Variants in IFT74 observed in about 807,000 individuals in gnomAD.
IFT74 encodes intraflagellar transport protein 74 homolog.
A neutral mutation model predicts 96.7 loss-of-function variants in IFT74; 92 were observed. The observed-to-expected ratio is 0.95, with a 90% CI of 0.80 to 1.13. The LOEUF is 1.13. Among genes scored for constraint, IFT74 ranks in the 50% most tolerant of loss-of-function variants. The pLI is 0.00. For missense variants in IFT74, 811 were observed against 698.2 expected (o/e 1.16, Z -1.82); for synonymous variants, 223 against 213.2 (o/e 1.05, Z -0.40).
At chr9:27,012,840 C>T (rs1034486329) in intron 10 of IFT74, among the ~76,000 whole-genome samples, 4 of 150,738 alleles carry the variant, frequency 2.7e-5, no homozygotes, top group African/African-American at 9.8e-5. Flanking sequence ...CCTCAGCCTC[C>T]AGAGTAGCTG....
intron 8 of IFT74, among the ~76,000 whole-genome samples, chr9:26,998,857 G>A (rs953117531): frequency 6.6e-6 from 1 of 151,986 alleles, no homozygotes; most frequent in African/African-American, 2.4e-5. Flanking sequence ...AGCCGGGCAT[G>A]GTGGCAAGCA....
intron 13 of IFT74, among the ~76,000 whole-genome samples, chr9:27,042,937 A>G (rs1472369746): frequency 2.6e-5 from 4 of 152,212 alleles, no homozygotes; most frequent in African/African-American, 9.6e-5. Context: ...TGTCTGTAGT[A>G]TATTTTACAA....
intron 9 of IFT74, among the ~76,000 whole-genome samples, chr9:27,010,946 C>T (rs1392921387): frequency 6.6e-6 from 1 of 152,136 alleles, no homozygotes; most frequent in African/African-American, 2.4e-5. Flanking sequence ...CCATAAATGC[C>T]AATAATGATT....
At chr9:26,995,562 C>G in intron 8 of IFT74, 1 of 1,596,566 alleles carries the variant, frequency 6.3e-7, no homozygotes, top group Non-Finnish European at 8.6e-7. Context: ...ATATATTTGT[C>G]TTCAATAAAT....
chr9:27,058,453 T>A (rs1464881763), intron 18 of IFT74, among the ~76,000 whole-genome samples: 1 of 151,928 alleles, frequency 6.6e-6, no homozygotes, highest in African/African-American at 2.4e-5. Context: ...TGGTGTGATC[T>A]TGGCTTACTG....
In IFT74 at chr9:27,000,984, A is replaced by T. The variant is rs143887130; in HGVS notation, c.588-8036A>T. 8.8e-3 allele frequency among the ~76,000 whole-genome samples: 1,340 copies of T among 152,290 alleles called. 8 individuals carry two copies. The highest frequency in any genetic ancestry group is 0.014 in the Non-Finnish European group (942 of 68,024). On this transcript the variant is annotated intron_variant, in intron 8 of 19. Coordinates refer to ENST00000380062, the MANE Select transcript of IFT74 (RefSeq NM_025103.4). ...CCTACCACCCTTTCCAGCCTCTGGT[A>T]ACCACTAGTCTACTCTTAATCTATA...
chr9:27,039,159 C>A (rs1190589420), intron 13 of IFT74, among the ~76,000 whole-genome samples: 1 of 152,098 alleles, frequency 6.6e-6, no homozygotes, highest in Non-Finnish European at 1.5e-5. Flanking sequence ...TGAGGGTTAT[C>A]AAGAGAGAAA....
intron 10 of IFT74, among the ~76,000 whole-genome samples, chr9:27,013,521 T>C (rs1422586401): frequency 6.6e-6 from 1 of 152,214 alleles, no homozygotes; most frequent in Non-Finnish European, 1.5e-5. Context: ...TACTTCTAGA[T>C]GTAATGTATG....
In IFT74 at chr9:27,012,609, C is replaced by T. The variant is rs571603528; in HGVS notation, c.789+641C>T. 6.7e-5 allele frequency among the ~76,000 whole-genome samples: 10 copies of T among 150,104 alleles called. No homozygotes were observed. In the East Asian group the frequency reaches 2.0e-3, roughly 30 times the overall value. On this transcript the variant is annotated intron_variant, in intron 10 of 19. Transcript: ENST00000380062. ...GTTCATCTCTTTAAGGATGTAAAAA[C>T]TTACTTTTTTTATTCATTTATTTAA...
chr9:27,021,433 A>G (rs1829596981), intron 12 of IFT74, among the ~76,000 whole-genome samples: 1 of 152,164 alleles, frequency 6.6e-6, no homozygotes, highest in East Asian at 1.9e-4. Context: ...TGGTTGTACT[A>G]CTTTATATTT....
chr9:26,959,133 G>C (rs756046947), intron 1 of IFT74, among the ~76,000 whole-genome samples: 5 of 148,940 alleles, frequency 3.4e-5, no homozygotes, highest in Non-Finnish European at 7.5e-5. Context: ...TTTTGAGACG[G>C]AGTCTCGCTC....
At chr9:26,990,250 T>G in intron 8 of IFT74, 55 bp downstream of exon 8, 1 of 851,772 alleles carries the variant, frequency 1.2e-6, no homozygotes, top group Middle Eastern at 2.6e-4. Context: ...TTAGGTAGTT[T>G]AAGTTGTGAT....
intron 8 of IFT74, chr9:26,993,177 A>G (rs547146117): frequency 2.6e-5 from 4 of 152,322 alleles, no homozygotes; most frequent in South Asian, 2.1e-4. Context: ...TGAATACCCC[A>G]TATTCAACAG....
rs1008693364 is a variant in IFT74 at position 27,021,746 on chromosome 9, C to G, written c.974+3059C>G. The stretch of plus-strand genomic sequence containing the variant: ...CTAGATATTAGCCCTTTGTCAGATG[C>G]ACAGTTTAGGAAAGTTTTCTCCAAC... On this transcript the variant is annotated intron_variant, in intron 12 of 19. Coordinates refer to ENST00000380062, the MANE Select transcript of IFT74 (RefSeq NM_025103.4). Among the ~76,000 whole-genome samples the G allele has an allele frequency of 2.0e-5, 3 of 152,028 alleles. No homozygotes were observed. The East Asian group carries it at 5.8e-4, about 29-fold the overall frequency.
intron 2 of IFT74, among the ~76,000 whole-genome samples, chr9:26,973,603 A>G (rs770951274): frequency 6.6e-5 from 10 of 152,206 alleles, no homozygotes; most frequent in Non-Finnish European, 1.3e-4. Flanking sequence ...TAATTTTAGC[A>G]TTAAGTCTTT....
At chr9:27,042,748 G>A (rs952035035) in intron 13 of IFT74, among the ~76,000 whole-genome samples, 3 of 152,150 alleles carry the variant, frequency 2.0e-5, no homozygotes, top group African/African-American at 7.2e-5. Flanking sequence ...AACTTAAATA[G>A]CCAGAACAAG....
chr9:27,054,685 T>A lies in IFT74; in HGVS notation c.1334-924T>A, dbSNP rs570478842. On this transcript the variant is annotated intron_variant, in intron 16 of 19. Transcript: ENST00000380062. ...ATTTTCATGATCATTTGTGGGCATG[T>A]GCAGACTCGTGAAAAATTTCAACAG... 2.1e-4 allele frequency among the ~76,000 whole-genome samples: 32 copies of A among 152,312 alleles called. No individual in the cohort carries two copies. In the East Asian group the frequency reaches 6.0e-3, roughly 28 times the overall value.
At chr9:26,951,426 T>G (rs1825926475), upstream of IFT74, among the ~76,000 whole-genome samples, 1 of 152,144 alleles carries the variant, frequency 6.6e-6, no homozygotes, top group Non-Finnish European at 1.5e-5. Context: ...TAGACTCTGG[T>G]GCCAAAACTT....
At chr9:27,006,333 G>C (rs760175077) in intron 8 of IFT74, among the ~76,000 whole-genome samples, 118 of 152,230 alleles carry the variant, frequency 7.8e-4, no homozygotes, top group Non-Finnish European at 1.4e-3. Context: ...TGCAGAGTCT[G>C]ACACCTGTAA....
Sources: gnomAD v4.1 joint callset for allele counts (sites outside exome capture counted in the v4.1 genomes callset) on GRCh38, gnomAD v4.1.1 for gene constraint, MANE v1.5 for transcripts, NCBI Gene and HGNC (gene_info 2026-07-23, HGNC 2026-07-21) for gene names.